Variants in RAP1GDS1 observed in about 807,000 individuals in gnomAD.
RAP1GDS1 encodes the protein RAP1, GTP-GDP dissociation stimulator 1.
Under a neutral mutation model 71.1 loss-of-function variants are expected in RAP1GDS1, and 35 were observed. The observed-to-expected ratio is 0.49, with a 90% CI of 0.38 to 0.65. The LOEUF is 0.65. Among genes scored for constraint, RAP1GDS1 ranks in the 30% least tolerant of loss-of-function variants. The pLI is 0.00. For missense variants in RAP1GDS1, 663 were observed against 706.1 expected (o/e 0.94, Z 0.69); for synonymous variants, 229 against 243.1 (o/e 0.94, Z 0.54).
At chr4:98,307,366 T>C (rs1388839662) in intron 2 of RAP1GDS1, among the ~76,000 whole-genome samples, 6 of 152,104 alleles carry the variant, frequency 3.9e-5, no homozygotes, top group African/African-American at 1.2e-4. Context: ...AAAATTGTTA[T>C]TGTTTTCATG....
intron 6 of RAP1GDS1, 78 bp downstream of exon 6, chr4:98,392,158 A>C: frequency 7.6e-7 from 1 of 1,320,108 alleles, no homozygotes; most frequent in South Asian, 1.6e-5. Context: ...GATATTAAGA[A>C]GCTAGAAATC....
chr4:98,288,339 T>A (rs1299164001), intron 1 of RAP1GDS1, among the ~76,000 whole-genome samples: 2 of 152,174 alleles, frequency 1.3e-5, no homozygotes, highest in East Asian at 3.8e-4. Context: ...GCTTCATCCA[T>A]GTTCCTACAA....
intron 7 of RAP1GDS1, among the ~76,000 whole-genome samples, chr4:98,408,429 G>A (rs1302187750): frequency 6.6e-6 from 1 of 152,104 alleles, no homozygotes; most frequent in Non-Finnish European, 1.5e-5. Context: ...CACCGTGCCT[G>A]GCCTGATGCC....
chr4:98,405,942 C>G (rs1473764471), intron 7 of RAP1GDS1, among the ~76,000 whole-genome samples: 2 of 151,876 alleles, frequency 1.3e-5, no homozygotes, highest in Non-Finnish European at 2.9e-5. Context: ...ACAAACTGAG[C>G]TTATAAATAA....
chr4:98,354,103 C>T (rs895534804), intron 4 of RAP1GDS1, among the ~76,000 whole-genome samples: 6 of 149,746 alleles, frequency 4.0e-5, no homozygotes, highest in African/African-American at 9.8e-5. Context: ...TCGCCCAGGC[C>T]GGACTGCGGA....
At chr4:98,299,592 ACTT>A (rs1728274275) in intron 2 of RAP1GDS1, among the ~76,000 whole-genome samples, 1 of 151,872 alleles carries the variant, frequency 6.6e-6, no homozygotes. Context: ...ATGAGGAGTC[ACTT>A]CTTATAGATG....
intron 14 of RAP1GDS1, among the ~76,000 whole-genome samples, chr4:98,438,297 T>C (rs931484654): frequency 6.6e-6 from 1 of 151,788 alleles, no homozygotes; most frequent in African/African-American, 2.4e-5. Context: ...GCCATCCTAC[T>C]TTCTTTTGAA....
intron 4 of RAP1GDS1, among the ~76,000 whole-genome samples, chr4:98,366,140 T>G (rs1481061496): frequency 6.6e-6 from 1 of 152,202 alleles, no homozygotes; most frequent in African/African-American, 2.4e-5. Context: ...AATCTCATCT[T>G]GAATTCCCAT....
intron 7 of RAP1GDS1, among the ~76,000 whole-genome samples, chr4:98,414,813 G>A (rs1315746273): frequency 6.6e-6 from 1 of 151,932 alleles, no homozygotes; most frequent in African/African-American, 2.4e-5. Flanking sequence ...GGGTAGTATG[G>A]CCATTTTCAC....
intron 5 of RAP1GDS1, among the ~76,000 whole-genome samples, chr4:98,380,744 G>A (rs1309917000): frequency 3.3e-5 from 5 of 151,574 alleles, no homozygotes; most frequent in Non-Finnish European, 5.9e-5. Context: ...ACTGCATTTG[G>A]GCTTGGACAT....
chr4:98,418,382 A>C (rs757727575), intron 9 of RAP1GDS1, among the ~76,000 whole-genome samples: 2 of 152,192 alleles, frequency 1.3e-5, no homozygotes, highest in South Asian at 2.1e-4. Context: ...CATTCTAACC[A>C]TGTGTTTCTA....
chr4:98,334,853 G>C (rs989652102), intron 2 of RAP1GDS1, among the ~76,000 whole-genome samples: 1 of 146,216 alleles, frequency 6.8e-6, no homozygotes, highest in Non-Finnish European at 1.5e-5. Flanking sequence ...AATCTTGGCT[G>C]GAATTCCATA....
chr4:98,355,705 G>A (rs1189930079), intron 4 of RAP1GDS1, among the ~76,000 whole-genome samples: 4 of 152,118 alleles, frequency 2.6e-5, no homozygotes, highest in South Asian at 2.1e-4. Flanking sequence ...CATAAAATCC[G>A]TGGAAATCTT....
intron 14 of RAP1GDS1, among the ~76,000 whole-genome samples, chr4:98,437,849 T>C (rs564750054): frequency 3.2e-4 from 48 of 152,062 alleles, no homozygotes; most frequent in African/African-American, 1.2e-3. Flanking sequence ...TCTATGGACA[T>C]TGGCATATCT....
intron 2 of RAP1GDS1, among the ~76,000 whole-genome samples, chr4:98,323,130 A>G (rs1036510044): frequency 2.0e-5 from 3 of 149,530 alleles, no homozygotes; most frequent in Middle Eastern, 3.2e-3. Context: ...ACCATCAGAG[A>G]ATACTACAAA....
intron 7 of RAP1GDS1, among the ~76,000 whole-genome samples, chr4:98,406,225 G>A (rs140542014): frequency 1.9e-4 from 29 of 152,066 alleles, no homozygotes; most frequent in African/African-American, 6.0e-4. Context: ...CAGTAATTAC[G>A]TTAAATGTGG....
At chr4:98,322,949 CA>C (rs1216152931) in intron 2 of RAP1GDS1, among the ~76,000 whole-genome samples, 1 of 142,182 alleles carries the variant, frequency 7.0e-6, no homozygotes, top group Admixed American at 6.9e-5. Context: ...AATAGAGACA[CA>C]AAAAACCCTT....
chr4:98,270,932 C>A (rs1723364785), intron 1 of RAP1GDS1, among the ~76,000 whole-genome samples: 1 of 152,084 alleles, frequency 6.6e-6, no homozygotes, highest in Admixed American at 6.6e-5. Context: ...CTTCCATTTT[C>A]TTTTCTCTAG....
At chr4:98,278,174 G>A (rs1724513507) in intron 1 of RAP1GDS1, among the ~76,000 whole-genome samples, 4 of 152,120 alleles carry the variant, frequency 2.6e-5, no homozygotes. Flanking sequence ...ATTCCAACCT[G>A]GGCGACAGAG....
Sources: gnomAD v4.1 joint callset for allele counts (sites outside exome capture counted in the v4.1 genomes callset) on GRCh38, gnomAD v4.1.1 for gene constraint, MANE v1.5 for transcripts, NCBI Gene and HGNC (gene_info 2026-07-23, HGNC 2026-07-21) for gene names.